Variants in SHISAL1 observed in about 807,000 individuals in gnomAD.
SHISAL1 encodes shisa like 1.
Under a neutral mutation model 22.6 loss-of-function variants are expected in SHISAL1, and 9 were observed. The observed-to-expected ratio is 0.40, with a 90% CI of 0.24 to 0.70. The LOEUF (loss-of-function observed/expected upper bound fraction) is 0.70. Ranked by LOEUF, SHISAL1 falls within the 30% of genes least tolerant of loss-of-function variation. SHISAL1 has a pLI of 0.39. For synonymous variants in SHISAL1, 119 were observed against 115.4 expected (o/e 1.03, Z -0.20); for missense variants, 246 against 270.6 (o/e 0.91, Z 0.64).
At chr22:44,253,674 A>G (rs1162207630) in intron 4 of SHISAL1, among the ~76,000 whole-genome samples, 1 of 150,426 alleles carries the variant, frequency 6.6e-6, no homozygotes, top group Non-Finnish European at 1.5e-5. Context: ...ACTCCTGACC[A>G]CATGTGATCT....
At chr22:44,302,414 T>TA (rs35536153) in intron 1 of SHISAL1, among the ~76,000 whole-genome samples, 43,043 of 148,364 alleles carry the variant, frequency 0.29, 6,792 homozygotes, top group African/African-American at 0.4. Flanking sequence ...TTTGCCACAA[T>TA]AAAAAAAAAT....
In SHISAL1 at chr22:44,247,758, G is replaced by C. The variant is rs2055014352; in HGVS notation, c.*1927C>G. On this transcript the variant is annotated 3_prime_UTR_variant, in exon 5 of 5. Transcript: ENST00000381176. ...GGATGCTTTATACCCTAGCAAGTTT[G>C]TTCTGCTTTTCCAAAGGCAGGACAT... 1 of 152,296 alleles carries C rather than the reference G, an allele frequency of 6.6e-6. No individual in the cohort carries two copies. Among genetic ancestry groups the C allele is most frequent in the African/African-American group, 2.4e-5 (1 of 41,462 alleles). The allele number at this position is 152,296 out of a possible 1,614,324, so 9.4% of individuals were successfully genotyped here. A position where few individuals can be genotyped will look rare whatever the true frequency, so the allele number is the denominator to read the frequency against.
At chr22:44,304,509 A>C (rs1293951034) in intron 1 of SHISAL1, among the ~76,000 whole-genome samples, 2 of 151,986 alleles carry the variant, frequency 1.3e-5, no homozygotes, top group African/African-American at 2.4e-5. Flanking sequence ...AAGCTTACTC[A>C]TCTCTTCCTC....
chr22:44,319,254 G>T, the SHISAL1 span, among the ~76,000 whole-genome samples: 2 of 152,254 alleles, frequency 1.3e-5, no homozygotes, highest in East Asian at 3.8e-4. Flanking sequence ...GTTCCCAAAA[G>T]GAGGGGCTAC....
At chr22:44,291,723 C>T (rs960823772) in intron 3 of SHISAL1, among the ~76,000 whole-genome samples, 2 of 150,968 alleles carry the variant, frequency 1.3e-5, no homozygotes, top group Non-Finnish European at 3.0e-5. Context: ...AATGCCCATG[C>T]ATTGTGGGAG....
chr22:44,308,712 A>G (rs2055496560), intron 1 of SHISAL1, among the ~76,000 whole-genome samples: 1 of 152,314 alleles, frequency 6.6e-6, no homozygotes, highest in Admixed American at 6.5e-5. Context: ...CACTCTGTGC[A>G]GCGTGCCTGG....
chr22:44,254,234 TAGAAA>T (rs1420215189), intron 4 of SHISAL1, among the ~76,000 whole-genome samples: 2 of 151,736 alleles, frequency 1.3e-5, no homozygotes, highest in African/African-American at 4.8e-5. Flanking sequence ...CTCAAAAAGT[TAGAAA>T]AGAAAGACAA....
chr22:44,326,334 G>A, the SHISAL1 span, among the ~76,000 whole-genome samples: 1 of 152,130 alleles, frequency 6.6e-6, no homozygotes, highest in East Asian at 1.9e-4. Flanking sequence ...TCGGAATCTG[G>A]CACGGGAGAC....
At chr22:44,275,353 A>G (rs1569214471) in intron 4 of SHISAL1, among the ~76,000 whole-genome samples, 1 of 152,206 alleles carries the variant, frequency 6.6e-6, no homozygotes, top group Non-Finnish European at 1.5e-5. Flanking sequence ...CATCACCTCA[A>G]TTAAACCCCT....
intron 4 of SHISAL1, among the ~76,000 whole-genome samples, chr22:44,267,275 G>A (rs556941546): frequency 1.3e-5 from 2 of 152,002 alleles, no homozygotes; most frequent in Non-Finnish European, 2.9e-5. Context: ...GTGGTCTCTC[G>A]GGGCATCTCA....
intron 3 of SHISAL1, among the ~76,000 whole-genome samples, chr22:44,286,992 C>T (rs1166544099): frequency 6.6e-6 from 1 of 152,236 alleles, no homozygotes; most frequent in Non-Finnish European, 1.5e-5. Flanking sequence ...CGCTGCACAT[C>T]CCCAGGGAGA....
At chr22:44,252,628 TA>T (rs11399241) in intron 4 of SHISAL1, among the ~76,000 whole-genome samples, 19,389 of 139,866 alleles carry the variant, frequency 0.14, 1,477 homozygotes, top group Admixed American at 0.23. Context: ...CACACTTGCT[TA>T]AAAAAAAAAA....
the SHISAL1 span, among the ~76,000 whole-genome samples, chr22:44,319,208 T>C: frequency 1.3e-5 from 2 of 152,242 alleles, no homozygotes; most frequent in African/African-American, 4.8e-5. Context: ...TGTTCAGCAC[T>C]ATCCTGGGTG....
rs117504932 is a variant in SHISAL1, at chr22:44,291,584, G to A, written c.281+5088C>T. Among the ~76,000 whole-genome samples, 37 of 152,198 alleles carry A rather than the reference G, an allele frequency of 2.4e-4. 1 individual carries two copies. In the East Asian group the frequency reaches 6.8e-3, roughly 28 times the overall value. On this transcript the variant is annotated intron_variant, in intron 3 of 4. Coordinates refer to ENST00000381176, the MANE Select transcript of SHISAL1 (RefSeq NM_001099294.2). ...AAGGGCAAAGCTTTGGGGGTCAGAG[G>A]TTTCACGCGTGGCCAAGGGAGGGAC... is the stretch of plus-strand genomic sequence containing the variant.
intron 1 of SHISAL1, among the ~76,000 whole-genome samples, chr22:44,302,544 A>G (rs938234188): frequency 6.6e-6 from 1 of 152,238 alleles, no homozygotes; most frequent in Admixed American, 6.5e-5. Flanking sequence ...GTGACATTTG[A>G]GCAGACCTTT....
At chr22:44,324,380 C>T in the SHISAL1 span, among the ~76,000 whole-genome samples, 1 of 152,182 alleles carries the variant, frequency 6.6e-6, no homozygotes, top group Non-Finnish European at 1.5e-5. Context: ...TTCATTTCCT[C>T]ATTCATTCAA....
chr22:44,317,044 G>A (rs901197765), upstream of SHISAL1, among the ~76,000 whole-genome samples: 2 of 152,186 alleles, frequency 1.3e-5, no homozygotes, highest in African/African-American at 4.8e-5. Flanking sequence ...AGACCACAGG[G>A]ATGGTGCTGA....
the SHISAL1 span, among the ~76,000 whole-genome samples, chr22:44,320,713 C>T: frequency 5.5e-4 from 83 of 152,292 alleles, 1 homozygote; most frequent in Admixed American, 1.2e-3. Flanking sequence ...CCAGGCTGTC[C>T]GGGGCTCGAC....
chr22:44,306,565 A>G (rs13055353), intron 1 of SHISAL1, among the ~76,000 whole-genome samples: 568 of 10,712 alleles, frequency 0.053, 6 homozygotes, highest in South Asian at 0.067. Context: ...AGGGGAACTG[A>G]GCTCGGGGAG....
Sources: allele counts gnomAD v4.1 joint callset (sites outside exome capture counted in the v4.1 genomes callset), GRCh38; gene constraint gnomAD v4.1.1; transcripts MANE v1.5; gene names NCBI Gene and HGNC (gene_info 2026-07-23, HGNC 2026-07-21).